ZNFX1: variants seen among roughly 807,000 people sequenced by gnomAD.
The protein encoded by ZNFX1 is NFX1-type zinc finger-containing protein 1.
In ZNFX1, 78 loss-of-function variants were observed where a neutral mutation model predicts 179.8. The ratio of observed to expected loss-of-function variants is 0.43; its 90% CI spans 0.36 to 0.52. The LOEUF is 0.52. Ranked by LOEUF, ZNFX1 falls within the 20% of genes least tolerant of loss-of-function variation. The probability of loss-of-function intolerance (pLI) is 0.00; values close to 1 mark genes in which losing one functional copy is unlikely to be tolerated. For missense variants in ZNFX1, 1,927 were observed against 2,386.6 expected (o/e 0.81, Z 4.01); for synonymous variants, 848 against 868.5 (o/e 0.98, Z 0.42).
intron 2 of ZNFX1, among the ~76,000 whole-genome samples, 158 bp from the exon 3 acceptor site, chr20:49,271,908 A>G (rs951902025): frequency 6.6e-6 from 1 of 152,238 alleles, no homozygotes; most frequent in African/African-American, 2.4e-5. Context: ...GATAAATGAA[A>G]GATAATTACT....
Position 49,266,345 on chromosome 20 carries a change from T to A in ZNFX1, c.1871-79A>T, listed in dbSNP as rs555344967. ...AATTACTCAGAGCAAAATCTTTTTT[T>A]AAATTTAATATAATACATTAAGATA... On this transcript the variant is annotated intron_variant, in intron 3 of 13. Transcript: ENST00000396105. 1.1e-4 allele frequency: 142 copies of A among 1,296,248 alleles called. No homozygotes were observed. In the African/African-American group the frequency reaches 2.0e-3, roughly 19 times the overall value. The allele number at this position is 1,296,248 out of a possible 1,614,324, so 80.3% of individuals were successfully genotyped here. A position where few individuals can be genotyped will look rare whatever the true frequency, so the allele number is the denominator to read the frequency against.
intron 1 of ZNFX1, among the ~76,000 whole-genome samples, 170 bp from the exon 2 acceptor site, chr20:49,276,057 A>G (rs1247613574): frequency 6.6e-6 from 1 of 152,236 alleles, no homozygotes; most frequent in African/African-American, 2.4e-5. Context: ...CAAATGCCCA[A>G]TTATGATATA....
intron 6 of ZNFX1, among the ~76,000 whole-genome samples, chr20:49,261,731 T>C (rs1981117505): frequency 6.6e-6 from 1 of 151,564 alleles, no homozygotes; most frequent in Non-Finnish European, 1.5e-5. Context: ...CTGCAAGCTC[T>C]GCCTCCCAGG....
chr20:49,257,681 G>A lies in ZNFX1; in HGVS notation c.2417-17C>T, dbSNP rs1041144747. ...CTGCCTGGGCTAAGAGAGAGAAACA[G>A]GCAGGAGAGAGATGAAAACTCTTTT... On this transcript the variant is annotated splice_polypyrimidine_tract_variant and intron_variant, in intron 7 of 13. Coordinates refer to ENST00000396105, the MANE Select transcript of ZNFX1 (RefSeq NM_021035.3). 1 of 1,600,158 alleles carries A rather than the reference G, an allele frequency of 6.2e-7. No individual in the cohort carries two copies. Among genetic ancestry groups the A allele is most frequent in the Non-Finnish European group, 8.5e-7 (1 of 1,175,470 alleles).
At chr20:49,269,384 A>T (rs1981321405) in intron 3 of ZNFX1, among the ~76,000 whole-genome samples, 1 of 152,198 alleles carries the variant, frequency 6.6e-6, no homozygotes, top group Admixed American at 6.5e-5. Flanking sequence ...TGAGGATCTA[A>T]AAACTACCTA....
chr20:49,275,915 C>T (rs1012450723), intron 1 of ZNFX1, 28 bp from the exon 2 acceptor site: 7 of 1,498,782 alleles, frequency 4.7e-6, no homozygotes, highest in Admixed American at 3.4e-5. Flanking sequence ...TCAGTGTCCT[C>T]GAAACATAGC....
At chr20:49,252,232 C>G (rs1213783001) in intron 12 of ZNFX1, among the ~76,000 whole-genome samples, 1 of 151,560 alleles carries the variant, frequency 6.6e-6, no homozygotes, top group African/African-American at 2.4e-5. Flanking sequence ...ACCACCGCCT[C>G]CCAGGTTCAA....
chr20:49,274,913 G>A (rs1981512822), intron 2 of ZNFX1, among the ~76,000 whole-genome samples: 1 of 152,154 alleles, frequency 6.6e-6, no homozygotes, highest in African/African-American at 2.4e-5. Context: ...ACGAGGTCAG[G>A]AGATCAAGAC....
Position 49,246,030 on chromosome 20 carries a change from C to A in ZNFX1, c.*1237G>T, listed in dbSNP as rs1980662427. The A allele has an allele frequency of 6.6e-6, 1 of 152,548 alleles. No individual in the cohort carries two copies. Among genetic ancestry groups the A allele is most frequent in the South Asian group, 2.1e-4 (1 of 4,828 alleles). The allele number at this position is 152,548 out of a possible 1,614,324, so 9.4% of individuals were successfully genotyped here. A position where few individuals can be genotyped will look rare whatever the true frequency, so the allele number is the denominator to read the frequency against. ...ATACCTAAATGTCTGTTCTAAGGAA[C>A]ACTGGAAGGAGGGAATGCAGATGCA... On this transcript the variant is annotated 3_prime_UTR_variant, in exon 14 of 14. Coordinates refer to ENST00000396105, the MANE Select transcript of ZNFX1 (RefSeq NM_021035.3).
At position 49,249,583 on chromosome 20, in the gene ZNFX1, C is replaced by A; in HGVS notation, c.3441G>T (p.Gln1147His). 6.2e-7 allele frequency: 1 copy of A among 1,614,230 alleles called. No homozygotes were observed. The highest frequency in any genetic ancestry group is 8.5e-7 in the Non-Finnish European group (1 of 1,180,042). Residue 1147 changes from glutamine (Q) to histidine (H), a missense_variant, in exon 14 of 14, where the codon CAG (glutamine) becomes CAT (histidine). Transcript: ENST00000396105. ...TGGTGATCTGGGAAGGCAGGTATTC[C>A]TGGCACAGGAAGTACTTGCACAGCT... ...VVELCKYFLCQEYLPSQITIL... is the reference protein window; with the variant it reads ...VVELCKYFLCHEYLPSQITIL...
chr20:49,247,215 C>A lies in ZNFX1; in HGVS notation c.*52G>T. The stretch of plus-strand genomic sequence containing the variant: ...AAACTTCAGTTCCTTCATTAGGGAG[C>A]TGGCCCCAGTCATTCAGTGGCGAGG... On this transcript the variant is annotated 3_prime_UTR_variant, in exon 14 of 14. Transcript: ENST00000396105. The A allele has an allele frequency of 6.5e-7, 1 of 1,539,030 alleles. No individual in the cohort carries two copies.
rs2091539914 is a variant in ZNFX1, at chr20:49,271,060, A to C, written c.752T>G (p.Leu251Arg). The C allele has an allele frequency of 6.2e-7, 1 of 1,613,998 alleles. No homozygotes were observed. Among genetic ancestry groups the C allele is most frequent in the South Asian group, 1.1e-5 (1 of 91,084 alleles). The change falls in exon 3 of 14, where the codon CTC becomes CGC. Residue 251 changes from leucine (L) to arginine (R), a missense_variant. Leu to Arg is a moderately radical substitution (Grantham distance 102). Coordinates refer to ENST00000396105, the MANE Select transcript of ZNFX1 (RefSeq NM_021035.3). ...PEHISNIISL[L>R]QDLVSVFPAS... ...AGGGAAGACACTTACAAGGTCCTGG[A>C]GGAGGGAGATGATGTTGCTTATGTG...
chr20:49,273,618 C>A (rs1030890088), intron 2 of ZNFX1, among the ~76,000 whole-genome samples: 1 of 152,028 alleles, frequency 6.6e-6, no homozygotes, highest in Non-Finnish European at 1.5e-5. Context: ...AATGGAAAAT[C>A]GTATCATTTC....
chr20:49,257,296 G>A, intron 8 of ZNFX1, 121 bp downstream of exon 8: 1 of 1,364,624 alleles, frequency 7.3e-7, no homozygotes. Flanking sequence ...ACCAGGGGTA[G>A]GCTGTAATAC....
intron 4 of ZNFX1, 88 bp downstream of exon 4, chr20:49,266,043 CTTTG>C: frequency 6.9e-7 from 1 of 1,453,784 alleles, no homozygotes; most frequent in Non-Finnish European, 9.5e-7. Context: ...GGACTGTTGA[CTTTG>C]TTTGAAGAGC....
Position 49,248,590 on chromosome 20 carries a change from T to C in ZNFX1, c.4434A>G (p.Pro1478=). Residue 1478 remains proline, a synonymous_variant, in exon 14 of 14, where the codon CCA becomes CCG. Coordinates refer to ENST00000396105, the MANE Select transcript of ZNFX1 (RefSeq NM_021035.3). This position sits in a 1 kb window ranked among gnomAD's most constrained non-coding sequence, Gnocchi z 4.6. ...LLICSHKCQE[P]CIGECPPCQR... is the part of the protein sequence containing the mutation. ...GGCAGGGTGGGCACTCACCAATGCA[T>C]GGTTCCTGGCACTTGTGTGAGCAGA... 6.2e-7 allele frequency: 1 copy of C among 1,614,186 alleles called. No individual in the cohort carries two copies. The highest frequency in any genetic ancestry group is 8.5e-7 in the Non-Finnish European group (1 of 1,180,036).
chr20:49,268,163 C>T (rs1195231528), intron 3 of ZNFX1, among the ~76,000 whole-genome samples: 2 of 152,158 alleles, frequency 1.3e-5, no homozygotes, highest in Non-Finnish European at 2.9e-5. Flanking sequence ...GTGTGAGCCA[C>T]CGTGCCTGAC....
chr20:49,251,789 G>A (rs1980842871), intron 12 of ZNFX1, among the ~76,000 whole-genome samples, 167 bp from the exon 13 acceptor site: 1 of 151,988 alleles, frequency 6.6e-6, no homozygotes, highest in Admixed American at 6.6e-5. Context: ...CTTCAGGTCA[G>A]GATTTCAAGA....
Position 49,249,351 on chromosome 20 carries a change from T to C in ZNFX1, c.3673A>G (p.Lys1225Glu). ...TTTCCGATGCAGTACATTCCCTTCTTGGCTCGGGACAAGGCCACACAGATG... is the reference window on the plus strand; with the variant it reads ...TTTCCGATGCAGTACATTCCCTTCTCGGCTCGGGACAAGGCCACACAGATG... Reference protein sequence around the residue: ...NRICVALSRAKKGMYCIGNMQ... With the variant: ...NRICVALSRAEKGMYCIGNMQ... The change falls in exon 14 of 14, where the codon AAG (lysine) becomes GAG (glutamate). Residue 1225 changes from lysine to glutamate, a missense_variant. Coordinates refer to ENST00000396105, the MANE Select transcript of ZNFX1 (RefSeq NM_021035.3). The C allele has an allele frequency of 6.2e-7, 1 of 1,614,252 alleles. No homozygotes were observed.
Sources: allele counts gnomAD v4.1 joint callset (sites outside exome capture counted in the v4.1 genomes callset), GRCh38; gene constraint gnomAD v4.1.1; non-coding constraint Gnocchi (gnomAD v3.1); transcripts MANE v1.5; gene names NCBI Gene and HGNC (gene_info 2026-07-23, HGNC 2026-07-21).